Variants in DNTTIP1 observed in about 807,000 individuals in gnomAD.
DNTTIP1 encodes the protein deoxynucleotidyltransferase terminal interacting protein 1.
In DNTTIP1, 22 loss-of-function variants were observed where a neutral mutation model predicts 52.9. That is an observed-to-expected ratio of 0.42 (90% CI 0.30 to 0.59). The LOEUF is 0.59. DNTTIP1 is among the 20% of genes least tolerant of loss of function. The pLI, the probability that DNTTIP1 is intolerant of heterozygous loss-of-function variation, is 0.22. For synonymous variants in DNTTIP1, 136 were observed against 155.1 expected (o/e 0.88, Z 0.92); for missense variants, 286 against 435.5 (o/e 0.66, Z 3.06).
chr20:45,811,050 G>C lies in DNTTIP1; in HGVS notation c.852-7G>C. 1 of 1,613,652 alleles carries C rather than the reference G, an allele frequency of 6.2e-7. No individual in the cohort carries two copies. ...CCCCCAACTTCTCTCTTCAATGTCT[G>C]TTCCAGAGGATGCCTGGATCTGAAG... On this transcript the variant is annotated splice_polypyrimidine_tract_variant and splice_region_variant and intron_variant, in intron 12 of 12. Coordinates refer to ENST00000372622, the MANE Select transcript of DNTTIP1 (RefSeq NM_052951.3).
chr20:45,808,982 C>G, intron 10 of DNTTIP1, 132 bp from the exon 11 acceptor site: 1 of 731,300 alleles, frequency 1.4e-6, no homozygotes, highest in Admixed American at 2.4e-5. Context: ...ATTAGTGAGC[C>G]CTCTAAGTCC....
At chr20:45,793,515 A>C in intron 2 of DNTTIP1, among the ~76,000 whole-genome samples, 1 of 151,880 alleles carries the variant, frequency 6.6e-6, no homozygotes, top group East Asian at 1.9e-4. Flanking sequence ...GCCTGACCAA[A>C]ATGGAGAAAC....
intron 2 of DNTTIP1, among the ~76,000 whole-genome samples, chr20:45,793,296 C>T (rs968462436): frequency 2.6e-5 from 4 of 152,054 alleles, no homozygotes; most frequent in African/African-American, 9.6e-5. Context: ...GGCGCGGTGG[C>T]TCACGCCTGT....
intron 2 of DNTTIP1, 76 bp downstream of exon 2, chr20:45,792,823 G>A: frequency 7.5e-7 from 1 of 1,331,118 alleles, no homozygotes; most frequent in Non-Finnish European, 1.0e-6. Flanking sequence ...CAGTGCACAA[G>A]GCTATGGAGA....
rs922866488 is a variant in DNTTIP1 at position 45,811,149 on chromosome 20, G to A, written c.944G>A (p.Arg315Gln). The part of the protein sequence containing the change: ...EKMRKYMETL[R>Q]TENEHRAVEA... ...ATGAGAAAGTATATGGAGACACTAC[G>A]GACAGAGAATGAGCATCGTGCTGTT... The change falls in exon 13 of 13, where the codon CGG (arginine) becomes CAG (glutamine). Residue 315 changes from arginine (R) to glutamine (Q), a missense_variant. Arg to Gln is a conservative substitution (Grantham distance 43). Coordinates refer to ENST00000372622, the MANE Select transcript of DNTTIP1 (RefSeq NM_052951.3). 12 of 1,614,046 alleles carry A rather than the reference G, an allele frequency of 7.4e-6. No individual in the cohort carries two copies. Among genetic ancestry groups the A allele is most frequent in the Admixed American group, 3.3e-5 (2 of 60,004 alleles).
chr20:45,798,126 T>C (rs558907231), intron 4 of DNTTIP1, among the ~76,000 whole-genome samples: 50 of 152,176 alleles, frequency 3.3e-4, no homozygotes, highest in Non-Finnish European at 6.0e-4. Flanking sequence ...ATGTGGCACA[T>C]ATATACCATG....
At chr20:45,798,413 C>G (rs1981314745) in intron 4 of DNTTIP1, among the ~76,000 whole-genome samples, 1 of 151,920 alleles carries the variant, frequency 6.6e-6, no homozygotes, top group Admixed American at 6.6e-5. Context: ...AGCACACCAA[C>G]AAGGCACATG....
intron 8 of DNTTIP1, among the ~76,000 whole-genome samples, 156 bp downstream of exon 8, chr20:45,803,534 G>A (rs1288274180): frequency 6.6e-6 from 1 of 152,212 alleles, no homozygotes; most frequent in African/African-American, 2.4e-5. Context: ...ACTGGCCTCA[G>A]AGAGGATCCT....
chr20:45,804,693 G>A (rs978414650), intron 8 of DNTTIP1, among the ~76,000 whole-genome samples: 3 of 152,164 alleles, frequency 2.0e-5, no homozygotes, highest in East Asian at 1.9e-4. Flanking sequence ...AGTTTCTCCA[G>A]CAGGCCAAGC....
Position 45,791,968 on chromosome 20 carries a change from G to A in DNTTIP1, c.-37G>A, listed in dbSNP as rs1981022844. 4 of 1,212,474 alleles carry A rather than the reference G, an allele frequency of 3.3e-6. No homozygotes were observed. The South Asian group carries it at 1.2e-4, about 36-fold the overall frequency. The allele number at this position is 1,212,474 out of a possible 1,614,324, so 75.1% of individuals were successfully genotyped here. On this transcript the variant is annotated 5_prime_UTR_variant, in exon 1 of 13. Coordinates refer to ENST00000372622, the MANE Select transcript of DNTTIP1 (RefSeq NM_052951.3). ...GTCACGGCGCCACTTTCCGGCCGGT[G>A]ACAGAGTCCAGCGGAGTTGTGGGGG... is the stretch of plus-strand genomic sequence containing the variant.
At chr20:45,806,522 C>T (rs748219219) in intron 10 of DNTTIP1, among the ~76,000 whole-genome samples, 17 of 152,184 alleles carry the variant, frequency 1.1e-4, no homozygotes, top group Non-Finnish European at 1.8e-4. Context: ...TTATCAGTCA[C>T]GAGAGCATCG....
Position 45,803,324 on chromosome 20 carries a change from T to A in DNTTIP1, c.558-9T>A. 4.3e-6 allele frequency: 7 copies of A among 1,614,094 alleles called. No homozygotes were observed. The highest frequency in any genetic ancestry group is 5.9e-6 in the Non-Finnish European group (7 of 1,179,984). On this transcript the variant is annotated splice_polypyrimidine_tract_variant and intron_variant, in intron 7 of 12. Coordinates refer to ENST00000372622, the MANE Select transcript of DNTTIP1 (RefSeq NM_052951.3). The stretch of plus-strand genomic sequence containing the variant: ...GGAGAATTCACCTTTATTCTTTCCT[T>A]CCAAGCAGATGGAAACCAAAATCCT...
At position 45,792,071 on chromosome 20, in the gene DNTTIP1, C is replaced by A; in HGVS notation, c.67C>A (p.Leu23Met). ...PSGAERGGLE[L>M]GDAGAAGQLV... Reference sequence around the variant, plus strand: ...CGGGGCCGAGAGGGGCGGCTTGGAGCTGGGGGATGCGGGCGCAGCGGGGCA... The same window carrying A: ...CGGGGCCGAGAGGGGCGGCTTGGAGATGGGGGATGCGGGCGCAGCGGGGCA... The change falls in exon 1 of 13, where the codon CTG (leucine) becomes ATG (methionine). Residue 23 changes from leucine (L) to methionine (M), a missense_variant. Coordinates refer to ENST00000372622, the MANE Select transcript of DNTTIP1 (RefSeq NM_052951.3). The A allele has an allele frequency of 7.8e-7, 1 of 1,286,630 alleles. No homozygotes were observed. The highest frequency in any genetic ancestry group is 3.3e-5 in the South Asian group (1 of 30,412). The allele number at this position is 1,286,630 out of a possible 1,614,324, so 79.7% of individuals were successfully genotyped here. A position where few individuals can be genotyped will look rare whatever the true frequency, so the allele number is the denominator to read the frequency against.
intron 2 of DNTTIP1, 24 bp from the exon 3 acceptor site, chr20:45,793,897 A>G (rs750176979): frequency 4.6e-6 from 7 of 1,511,298 alleles, no homozygotes; most frequent in Non-Finnish European, 6.3e-6. Flanking sequence ...ATGCCCCCTC[A>G]CCCTGTCTCC....
At chr20:45,806,307 G>T (rs1981642877) in intron 10 of DNTTIP1, among the ~76,000 whole-genome samples, 1 of 143,278 alleles carries the variant, frequency 7.0e-6, no homozygotes, top group Non-Finnish European at 1.5e-5. Flanking sequence ...AGTGAGCCAA[G>T]ATCTCACCAT....
At chr20:45,800,702 T>A (rs1448112027) in intron 4 of DNTTIP1, among the ~76,000 whole-genome samples, 21 of 1,664 alleles carry the variant, frequency 0.013, no homozygotes, top group African/African-American at 0.037. Context: ...AAAATATATA[T>A]ATATATATAT....
chr20:45,807,175 T>C (rs987033247), intron 10 of DNTTIP1, among the ~76,000 whole-genome samples: 29 of 151,800 alleles, frequency 1.9e-4, no homozygotes, highest in African/African-American at 6.8e-4. Flanking sequence ...CAGGCTGGAG[T>C]GCAGTGGCGC....
At chr20:45,797,902 A>G (rs1280432778) in intron 4 of DNTTIP1, among the ~76,000 whole-genome samples, 2 of 152,314 alleles carry the variant, frequency 1.3e-5, no homozygotes, top group East Asian at 3.9e-4. Flanking sequence ...AACTAGTTCA[A>G]CCATTGTGGA....
intron 10 of DNTTIP1, among the ~76,000 whole-genome samples, chr20:45,807,724 G>C (rs1601032157): frequency 6.6e-6 from 1 of 151,650 alleles, no homozygotes. Flanking sequence ...AGGCAGGCGG[G>C]TCACCTGAGG....
Sources: allele counts gnomAD v4.1 joint callset (sites outside exome capture counted in the v4.1 genomes callset), GRCh38; gene constraint gnomAD v4.1.1; transcripts MANE v1.5; gene names NCBI Gene and HGNC (gene_info 2026-07-23, HGNC 2026-07-21).